SPOCK1: variants seen among roughly 807,000 people sequenced by gnomAD.
SPOCK1 encodes SPARC (osteonectin), cwcv and kazal like domains proteoglycan 1.
A neutral mutation model predicts 55.3 loss-of-function variants in SPOCK1; 23 were observed. The observed-to-expected ratio is 0.42, with a 90% CI of 0.30 to 0.59. The LOEUF (loss-of-function observed/expected upper bound fraction) is 0.59, where lower values mean the gene tolerates loss of function less well. SPOCK1 is among the 20% of genes least tolerant of loss of function. The pLI, the probability that SPOCK1 is intolerant of heterozygous loss-of-function variation, is 0.22. For synonymous variants in SPOCK1, 226 were observed against 221.0 expected, an observed-to-expected ratio of 1.02 and a Z score of -0.20; for missense variants, 499 against 552.5, an observed-to-expected ratio of 0.90 and a Z score of 0.97.
chr5:137,068,355 T>G (rs532055155), intron 5 of SPOCK1, among the ~76,000 whole-genome samples: 108 of 152,328 alleles, frequency 7.1e-4, no homozygotes, highest in African/African-American at 2.5e-3. Flanking sequence ...ATGCTCTTGC[T>G]TCCGTTGTCC....
chr5:137,037,637 A>AT (rs1228021156), intron 6 of SPOCK1, among the ~76,000 whole-genome samples: 1 of 152,200 alleles, frequency 6.6e-6, no homozygotes, highest in Non-Finnish European at 1.5e-5. Flanking sequence ...CAGCATACAT[A>AT]TACTCCCTTA....
chr5:137,015,983 T>C (rs1751441196), intron 6 of SPOCK1, among the ~76,000 whole-genome samples: 2 of 152,162 alleles, frequency 1.3e-5, no homozygotes, highest in Non-Finnish European at 2.9e-5. Flanking sequence ...TCATTCCATA[T>C]TGTGGTTCCA....
At chr5:137,248,443 T>A (rs1200581840) in intron 3 of SPOCK1, among the ~76,000 whole-genome samples, 1 of 152,230 alleles carries the variant, frequency 6.6e-6, no homozygotes. Context: ...AACACCTGTT[T>A]CTATGTCTAG....
chr5:137,072,830 T>C (rs1346312414), intron 5 of SPOCK1, among the ~76,000 whole-genome samples: 1 of 152,240 alleles, frequency 6.6e-6, no homozygotes, highest in African/African-American at 2.4e-5. Context: ...CAGTTCACAG[T>C]TGACAATTTT....
rs190384054 is a variant in SPOCK1 at position 137,035,237 on chromosome 5, C to T, written c.589+32478G>A. On this transcript the variant is annotated intron_variant, in intron 6 of 10. Transcript: ENST00000394945. ...GGAGAAAGCAGGCAGCCAAGGAGCACAGCCAGCCGTATCAGGACCGGAGTG... is the reference window on the plus strand; with the variant it reads ...GGAGAAAGCAGGCAGCCAAGGAGCATAGCCAGCCGTATCAGGACCGGAGTG... Among the ~76,000 whole-genome samples the T allele has an allele frequency of 9.8e-4, 149 of 152,322 alleles. No homozygotes were observed. The East Asian group carries it at 0.023, about 23-fold the overall frequency.
At chr5:137,065,044 A>G (rs1752479842) in intron 6 of SPOCK1, among the ~76,000 whole-genome samples, 1 of 152,054 alleles carries the variant, frequency 6.6e-6, no homozygotes, top group Non-Finnish European at 1.5e-5. Flanking sequence ...CCTGAGCAAC[A>G]TGGCGAAACC....
chr5:137,353,965 G>A (rs1479455490), intron 2 of SPOCK1, among the ~76,000 whole-genome samples: 1 of 152,012 alleles, frequency 6.6e-6, no homozygotes, highest in Non-Finnish European at 1.5e-5. Flanking sequence ...CCTCCTCAAC[G>A]GCATCACCAG....
intron 3 of SPOCK1, among the ~76,000 whole-genome samples, chr5:137,161,867 G>A (rs963085432): frequency 3.3e-5 from 5 of 152,016 alleles, no homozygotes; most frequent in African/African-American, 1.2e-4. Context: ...TTTCCATTAC[G>A]TAAGAATAAG....
chr5:137,239,574 G>T (rs1427002558), intron 3 of SPOCK1, among the ~76,000 whole-genome samples: 1 of 152,034 alleles, frequency 6.6e-6, no homozygotes, highest in Non-Finnish European at 1.5e-5. Flanking sequence ...TTTAATTTGT[G>T]GGATCTGACA....
At chr5:137,258,203 C>T (rs888673158) in intron 3 of SPOCK1, among the ~76,000 whole-genome samples, 3 of 152,138 alleles carry the variant, frequency 2.0e-5, no homozygotes, top group African/African-American at 4.8e-5. Flanking sequence ...ACTGAGGTAC[C>T]CACTTAGGTA....
chr5:137,107,145 G>A (rs1200592322), intron 5 of SPOCK1, among the ~76,000 whole-genome samples: 1 of 152,122 alleles, frequency 6.6e-6, no homozygotes, highest in Admixed American at 6.6e-5. Flanking sequence ...CTATTCTAAC[G>A]AAAGGAGACT....
chr5:137,350,556 G>T (rs780250594), intron 2 of SPOCK1, among the ~76,000 whole-genome samples: 1 of 152,106 alleles, frequency 6.6e-6, no homozygotes, highest in Admixed American at 6.6e-5. Context: ...GTGAGTGCAG[G>T]GGAAATGTCT....
intron 3 of SPOCK1, among the ~76,000 whole-genome samples, chr5:137,170,587 T>TTCTCTCTCTCTCTCTCTCTCTC (rs56347412): frequency 1.4e-5 from 2 of 142,486 alleles, no homozygotes; most frequent in Admixed American, 1.4e-4. Context: ...AGCCTGTTAT[T>TTCTCTCTCTCTCTCTCTCTCTC]TCTCTCTCTC....
At chr5:137,191,844 T>C (rs1305420337) in intron 3 of SPOCK1, among the ~76,000 whole-genome samples, 1 of 152,166 alleles carries the variant, frequency 6.6e-6, no homozygotes, top group Non-Finnish European at 1.5e-5. Context: ...AAATTCCCAA[T>C]GTCTGCATTC....
At chr5:137,479,960 A>G (rs1370668913) in intron 2 of SPOCK1, among the ~76,000 whole-genome samples, 2 of 152,170 alleles carry the variant, frequency 1.3e-5, no homozygotes, top group Non-Finnish European at 1.5e-5. Flanking sequence ...CCTGGGAGGA[A>G]GAGGGTTAAA....
At chr5:137,120,139 C>T (rs1229064676) in intron 4 of SPOCK1, among the ~76,000 whole-genome samples, 1 of 152,090 alleles carries the variant, frequency 6.6e-6, no homozygotes, top group South Asian at 2.1e-4. Context: ...ATGTGCTTCA[C>T]CCCGTCTTGC....
chr5:137,136,319 G>A (rs1753985498), intron 4 of SPOCK1, among the ~76,000 whole-genome samples: 1 of 152,022 alleles, frequency 6.6e-6, no homozygotes, highest in Non-Finnish European at 1.5e-5. Context: ...TATATTGCTT[G>A]AGCCCAGGAG....
intron 2 of SPOCK1, among the ~76,000 whole-genome samples, chr5:137,340,571 A>T (rs1403504004): frequency 6.6e-6 from 1 of 152,224 alleles, no homozygotes; most frequent in African/African-American, 2.4e-5. Context: ...AGTAGATCTT[A>T]CTTCAGTTTT....
intron 2 of SPOCK1, among the ~76,000 whole-genome samples, chr5:137,443,075 T>C (rs1753051317): frequency 6.6e-6 from 1 of 151,942 alleles, no homozygotes; most frequent in Non-Finnish European, 1.5e-5. Context: ...ACCATTCCCA[T>C]GGGGTGGAAA....
Sources: allele counts gnomAD v4.1 joint callset (sites outside exome capture counted in the v4.1 genomes callset), GRCh38; gene constraint gnomAD v4.1.1; transcripts MANE v1.5; gene names NCBI Gene and HGNC (gene_info 2026-07-23, HGNC 2026-07-21).